FAM171A1: variants seen among roughly 807,000 people sequenced by gnomAD.
The protein encoded by FAM171A1 is protein FAM171A1.
FAM171A1 carries 23 observed loss-of-function variants against 74.9 expected under a neutral mutation model. The observed-to-expected ratio is 0.31, with a 90% CI of 0.22 to 0.44. FAM171A1 has a LOEUF of 0.44. Among genes scored for constraint, FAM171A1 ranks in the 20% least tolerant of loss-of-function variants. FAM171A1 has a pLI of 1.00. For missense variants in FAM171A1, 1,162 were observed against 1,159.2 expected, an observed-to-expected ratio of 1.00 and a Z score of -0.03; for synonymous variants, 527 against 505.7, an observed-to-expected ratio of 1.04 and a Z score of -0.57.
upstream of FAM171A1, among the ~76,000 whole-genome samples, chr10:15,372,784 A>G (rs1163605212): frequency 1.3e-5 from 2 of 151,814 alleles, no homozygotes; most frequent in African/African-American, 4.8e-5. Context: ...ACTTTCCTTG[A>G]GCCTAGGGAC....
intron 1 of FAM171A1, among the ~76,000 whole-genome samples, chr10:15,305,039 G>A (rs1588543893): frequency 6.6e-6 from 1 of 152,104 alleles, no homozygotes; most frequent in Non-Finnish European, 1.5e-5. Context: ...ACCCGGCCAA[G>A]TAACTATCTT....
intron 1 of FAM171A1, among the ~76,000 whole-genome samples, chr10:15,360,686 C>T (rs1835983117): frequency 6.6e-6 from 1 of 152,224 alleles, no homozygotes; most frequent in Admixed American, 6.5e-5. Flanking sequence ...CATACAATGC[C>T]AGGAGACCTG....
intron 3 of FAM171A1, among the ~76,000 whole-genome samples, chr10:15,265,242 C>CGTGTGTGTGCGTGTGT (rs961826976): frequency 6.6e-6 from 1 of 151,490 alleles, no homozygotes. Flanking sequence ...CTCAAGTACT[C>CGTGTGTGTGCGTGTGT]GTGTGTGTGC....
rs146791870 is a variant in FAM171A1 at position 15,289,780 on chromosome 10, T to C, written c.98-5675A>G. Among the ~76,000 whole-genome samples the C allele has an allele frequency of 5.5e-3, 831 of 152,296 alleles. 5 individuals carry two copies. The highest frequency in any genetic ancestry group is 0.024 in the Middle Eastern group (7 of 294). On this transcript the variant is annotated intron_variant, in intron 1 of 7. Transcript: ENST00000378116. ...TGCTTTTGTATACAGTCCATGAAAA[T>C]TATCTGCAATTTAAATTTCAGTGTC...
chr10:15,260,282 G>A (rs1346460005), intron 3 of FAM171A1, among the ~76,000 whole-genome samples: 3 of 152,124 alleles, frequency 2.0e-5, no homozygotes, highest in African/African-American at 7.2e-5. Context: ...TTGTAGCACT[G>A]CTCTTACTAT....
At chr10:15,313,428 T>G (rs748640373) in intron 1 of FAM171A1, among the ~76,000 whole-genome samples, 7 of 152,228 alleles carry the variant, frequency 4.6e-5, no homozygotes, top group African/African-American at 7.2e-5. Flanking sequence ...CTCGTGGTCT[T>G]AACTCTGGCA....
intron 5 of FAM171A1, among the ~76,000 whole-genome samples, chr10:15,235,167 G>A (rs1003145041): frequency 2.6e-5 from 4 of 151,838 alleles, no homozygotes; most frequent in African/African-American, 9.7e-5. Flanking sequence ...AAAATTAGCT[G>A]GGCAGGCGCC....
At chr10:15,326,274 G>T (rs1003754609) in intron 1 of FAM171A1, among the ~76,000 whole-genome samples, 1 of 152,004 alleles carries the variant, frequency 6.6e-6, no homozygotes, top group Non-Finnish European at 1.5e-5. Context: ...GTCTCAAACG[G>T]CTGCCTTTGG....
At chr10:15,354,678 C>A (rs1210527578) in intron 1 of FAM171A1, among the ~76,000 whole-genome samples, 2 of 152,208 alleles carry the variant, frequency 1.3e-5, no homozygotes, top group African/African-American at 4.8e-5. Context: ...TCCCGCTGAC[C>A]CAGCACCGTG....
intron 1 of FAM171A1, among the ~76,000 whole-genome samples, chr10:15,360,151 TTA>T (rs752677595): frequency 1.3e-5 from 2 of 152,198 alleles, no homozygotes; most frequent in African/African-American, 2.4e-5. Context: ...CAGGGTAGTC[TTA>T]AATGCCTGGG....
At chr10:15,256,140 G>A (rs927814303) in intron 3 of FAM171A1, among the ~76,000 whole-genome samples, 9 of 152,090 alleles carry the variant, frequency 5.9e-5, no homozygotes, top group Non-Finnish European at 1.3e-4. Context: ...TCCTTCTCCC[G>A]GCCCCCTGCT....
intron 3 of FAM171A1, among the ~76,000 whole-genome samples, chr10:15,259,479 A>G (rs555169749): frequency 1.8e-4 from 28 of 152,314 alleles, no homozygotes; most frequent in Non-Finnish European, 3.5e-4. Flanking sequence ...GAATAGACCA[A>G]TATAGACCCA....
At chr10:15,358,549 C>G (rs1328583725) in intron 1 of FAM171A1, among the ~76,000 whole-genome samples, 1 of 152,138 alleles carries the variant, frequency 6.6e-6, no homozygotes, top group Admixed American at 6.5e-5. Flanking sequence ...GAGCTCTGAA[C>G]ACAGAAGCCA....
intron 1 of FAM171A1, among the ~76,000 whole-genome samples, chr10:15,370,419 G>A (rs1836125729): frequency 1.4e-5 from 2 of 147,154 alleles, no homozygotes; most frequent in Admixed American, 6.7e-5. Context: ...AGTGGCTAGT[G>A]GCGGCAGCGG....
chr10:15,306,238 C>T (rs1297744973), intron 1 of FAM171A1, among the ~76,000 whole-genome samples: 1 of 152,132 alleles, frequency 6.6e-6, no homozygotes, highest in Non-Finnish European at 1.5e-5. Flanking sequence ...GAGGCTATGA[C>T]AGGTAAACTG....
At chr10:15,316,293 C>T (rs1835420692) in intron 1 of FAM171A1, among the ~76,000 whole-genome samples, 1 of 152,204 alleles carries the variant, frequency 6.6e-6, no homozygotes, top group Non-Finnish European at 1.5e-5. Context: ...TGTCAGGCTG[C>T]CTCTGGAATG....
chr10:15,233,580 T>G (rs1340798468), intron 5 of FAM171A1, among the ~76,000 whole-genome samples: 1 of 149,696 alleles, frequency 6.7e-6, no homozygotes, highest in Non-Finnish European at 1.5e-5. Flanking sequence ...AAAAATAATT[T>G]TAAAGGGGTG....
upstream of FAM171A1, among the ~76,000 whole-genome samples, chr10:15,374,539 C>T (rs1052016435): frequency 6.6e-6 from 1 of 152,230 alleles, no homozygotes; most frequent in African/African-American, 2.4e-5. Flanking sequence ...GATCATCAGA[C>T]ACCCACTCAG....
intron 1 of FAM171A1, among the ~76,000 whole-genome samples, chr10:15,297,740 A>G (rs1276252820): frequency 1.3e-5 from 2 of 152,220 alleles, no homozygotes; most frequent in African/African-American, 4.8e-5. Flanking sequence ...GAAATCGAAA[A>G]TACGAACTAT....
Sources: gnomAD v4.1 joint callset for allele counts (sites outside exome capture counted in the v4.1 genomes callset) on GRCh38, gnomAD v4.1.1 for gene constraint, MANE v1.5 for transcripts, NCBI Gene and HGNC (gene_info 2026-07-23, HGNC 2026-07-21) for gene names.